The following NCMAP variants were observed in gnomAD, a reference collection of about 807,000 sequenced individuals.
The protein encoded by NCMAP is non-compact myelin associated protein.
Under a neutral mutation model 7.8 loss-of-function variants are expected in NCMAP, and 8 were observed. That is an observed-to-expected ratio of 1.02 (90% CI 0.60 to 1.84). NCMAP has a LOEUF of 1.84. Among genes scored for constraint, NCMAP ranks in the 40% most tolerant of loss-of-function variants. The pLI is 0.00. For synonymous variants in NCMAP, 41 were observed against 52.9 expected, an observed-to-expected ratio of 0.78 and a Z score of 0.98; for missense variants, 112 against 131.4, an observed-to-expected ratio of 0.85 and a Z score of 0.72.
At chr1:24,605,020 G>A (rs1316726698) in intron 3 of NCMAP, among the ~76,000 whole-genome samples, 1 of 151,910 alleles carries the variant, frequency 6.6e-6, no homozygotes, top group African/African-American at 2.4e-5. Flanking sequence ...GGAGGCTGAG[G>A]CAGGAGAATC....
intron 1 of NCMAP, among the ~76,000 whole-genome samples, chr1:24,585,097 T>C (rs1159739527): frequency 6.6e-6 from 1 of 152,128 alleles, no homozygotes; most frequent in Non-Finnish European, 1.5e-5. Context: ...AGTATGTAAT[T>C]GTGTATGGCC....
intron 3 of NCMAP, among the ~76,000 whole-genome samples, chr1:24,602,783 G>A (rs1271125432): frequency 6.6e-6 from 1 of 150,774 alleles, no homozygotes; most frequent in Non-Finnish European, 1.5e-5. Flanking sequence ...GGCCGGGCGT[G>A]GTGGCTCACA....
chr1:24,589,188 C>T (rs750855628), intron 1 of NCMAP, among the ~76,000 whole-genome samples: 4 of 152,012 alleles, frequency 2.6e-5, no homozygotes, highest in South Asian at 2.1e-4. Context: ...GGACACATAG[C>T]GCATTATTAT....
intron 1 of NCMAP, among the ~76,000 whole-genome samples, chr1:24,588,667 C>A (rs1651957185): frequency 6.6e-6 from 1 of 152,192 alleles, no homozygotes; most frequent in Non-Finnish European, 1.5e-5. Context: ...TTATGACCTG[C>A]CATCACTTCC....
intron 1 of NCMAP, among the ~76,000 whole-genome samples, chr1:24,587,204 G>A (rs1184164763): frequency 2.0e-5 from 3 of 152,142 alleles, no homozygotes; most frequent in African/African-American, 7.2e-5. Context: ...GGGAGTCCTT[G>A]ACACAGAGGA....
At chr1:24,566,621 T>C (rs1651234966) in intron 1 of NCMAP, among the ~76,000 whole-genome samples, 1 of 152,216 alleles carries the variant, frequency 6.6e-6, no homozygotes, top group African/African-American at 2.4e-5. Flanking sequence ...GAAATGATCA[T>C]TGCTTTTGGA....
At chr1:24,594,426 A>T (rs1652150713) in intron 1 of NCMAP, among the ~76,000 whole-genome samples, 1 of 152,112 alleles carries the variant, frequency 6.6e-6, no homozygotes, top group African/African-American at 2.4e-5. Flanking sequence ...CGGTTGATTC[A>T]CTCAACCACC....
rs71577720 is a variant in NCMAP, at chr1:24,577,401, G to GTTTTTTTTTTTTTTTTTTTTTTTTTT, written c.-7-18018_-7-17993dup. On this transcript the variant is annotated intron_variant, in intron 1 of 3. Coordinates refer to ENST00000374392, the MANE Select transcript of NCMAP (RefSeq NM_001010980.5). ...GAGTTTCTAAGAAGGCACTGGCCTT[G>GTTTTTTTTTTTTTTTTTTTTTTTTTT]TTTTTTTTTTTTTTTTTTTTTTTTT... 8.0e-4 allele frequency among the ~76,000 whole-genome samples: 32 copies of GTTTTTTTTTTTTTTTTTTTTTTTTTT among 39,968 alleles called. 1 individual carries two copies. The highest frequency in any genetic ancestry group is 1.1e-3 in the Non-Finnish European group (24 of 22,314). The allele number at this position is 39,968 out of a possible 152,430, so 26.2% of individuals were successfully genotyped here.
chr1:24,592,470 T>TATATATA (rs1327341873), intron 1 of NCMAP, among the ~76,000 whole-genome samples: 3 of 152,170 alleles, frequency 2.0e-5, no homozygotes, highest in African/African-American at 7.2e-5. Flanking sequence ...TGTTTATGGA[T>TATATATA]ATATATAATA....
At chr1:24,556,770 G>A (rs1045756370) in intron 1 of NCMAP, among the ~76,000 whole-genome samples, 4 of 152,146 alleles carry the variant, frequency 2.6e-5, no homozygotes, top group African/African-American at 9.7e-5. Context: ...GGGAGGAGAT[G>A]GCTGTGTCAA....
chr1:24,569,082 C>T (rs1557593771), intron 1 of NCMAP, among the ~76,000 whole-genome samples: 1 of 151,942 alleles, frequency 6.6e-6, no homozygotes, highest in Non-Finnish European at 1.5e-5. Flanking sequence ...CTCACTGCAA[C>T]CTCTGGGGTC....
chr1:24,605,559 G>A, intron 3 of NCMAP, 47 bp from the exon 4 acceptor site: 1 of 1,598,110 alleles, frequency 6.3e-7, no homozygotes, highest in Non-Finnish European at 8.6e-7. Context: ...ATTCCCCGCG[G>A]CATACCAGGG....
At chr1:24,581,639 C>T (rs368790690) in intron 1 of NCMAP, among the ~76,000 whole-genome samples, 1 of 152,160 alleles carries the variant, frequency 6.6e-6, no homozygotes, top group Admixed American at 6.5e-5. Context: ...ACCAACCCAG[C>T]GCACTTCCTC....
At chr1:24,600,839 C>T (rs886810861) in intron 2 of NCMAP, 101 bp from the exon 3 acceptor site, 9 of 969,200 alleles carry the variant, frequency 9.3e-6, no homozygotes, top group South Asian at 2.6e-5. Flanking sequence ...TCTCTCCTGC[C>T]TCCCTTGACC....
At chr1:24,562,631 C>T (rs1266644528) in intron 1 of NCMAP, among the ~76,000 whole-genome samples, 2 of 152,336 alleles carry the variant, frequency 1.3e-5, no homozygotes, top group East Asian at 1.9e-4. Context: ...TGCTTCAGGT[C>T]CCCTGCTCTT....
chr1:24,607,818 C>G lies in NCMAP; in HGVS notation c.*2071C>G, dbSNP rs766814227. The G allele has an allele frequency of 2.6e-5, 4 of 152,408 alleles. No individual in the cohort carries two copies. The highest frequency in any genetic ancestry group is 9.6e-5 in the African/African-American group (4 of 41,470). 9.4% of individuals were successfully genotyped at this position (152,408 alleles called of 1,614,324 possible). The stretch of plus-strand genomic sequence containing the variant: ...GGCAGAGGTTGCAGTGAGCCAAGAT[C>G]GTGCCACTGCACTCCAGCCTGGGCA... On this transcript the variant is annotated 3_prime_UTR_variant, in exon 4 of 4. Coordinates refer to ENST00000374392, the MANE Select transcript of NCMAP (RefSeq NM_001010980.5).
chr1:24,605,284 G>A (rs181372331), intron 3 of NCMAP, among the ~76,000 whole-genome samples: 2 of 152,216 alleles, frequency 1.3e-5, no homozygotes, highest in African/African-American at 4.8e-5. Flanking sequence ...GCTGGAAAAT[G>A]TAATACATGC....
intron 1 of NCMAP, among the ~76,000 whole-genome samples, chr1:24,583,640 C>T (rs570217033): frequency 6.8e-4 from 102 of 148,970 alleles, no homozygotes; most frequent in Non-Finnish European, 9.2e-4. Flanking sequence ...TGCTTGAACC[C>T]GGGAGGTGGA....
At position 24,600,512 on chromosome 1, in the gene NCMAP, T is replaced by C. The variant is rs77179716; in HGVS notation, c.83-428T>C. Among the ~76,000 whole-genome samples the C allele has an allele frequency of 1.1e-3, 175 of 152,358 alleles. 4 individuals are homozygous for C. In the East Asian group the frequency reaches 0.027, roughly 23 times the overall value. ...TTGGTGAATGTAGATATGCAGACGA[T>C]CAGCAGTTGTTGGGCCAGTGAGTTC... On this transcript the variant is annotated intron_variant, in intron 2 of 3. Coordinates refer to ENST00000374392, the MANE Select transcript of NCMAP (RefSeq NM_001010980.5).
Sources: allele counts gnomAD v4.1 joint callset (sites outside exome capture counted in the v4.1 genomes callset), GRCh38; gene constraint gnomAD v4.1.1; transcripts MANE v1.5; gene names NCBI Gene and HGNC (gene_info 2026-07-23, HGNC 2026-07-21).